The following RYR3 variants were observed in gnomAD, a reference collection of about 807,000 sequenced individuals.
RYR3 encodes brain ryanodine receptor-calcium release channel.
Under a neutral mutation model 584.3 loss-of-function variants are expected in RYR3, and 207 were observed. That is an observed-to-expected ratio of 0.35 (90% CI 0.32 to 0.40). RYR3 has a LOEUF of 0.40. RYR3 is among the 10% of genes least tolerant of loss of function. The pLI is 1.00. For synonymous variants in RYR3, 2,416 were observed against 2,248.5 expected, an observed-to-expected ratio of 1.07 and a Z score of -2.11; for missense variants, 5,616 against 6,089.2, an observed-to-expected ratio of 0.92 and a Z score of 2.59.
In RYR3 at chr15:33,544,685, C is replaced by T. The variant is rs74446130; in HGVS notation, c.740+970C>T. The stretch of plus-strand genomic sequence containing the variant: ...GTATTATTATGCACCTTAGAAAGCA[C>T]CCATTGGCAATGTGTATCCCTTATA... On this transcript the variant is annotated intron_variant, in intron 8 of 103. Transcript: ENST00000634891. Among the ~76,000 whole-genome samples the T allele has an allele frequency of 1.3e-3, 197 of 152,180 alleles. 2 individuals carry two copies. In the East Asian group the frequency reaches 0.031, roughly 24 times the overall value.
chr15:33,639,155 C>T (rs2061661153), intron 27 of RYR3, among the ~76,000 whole-genome samples: 2 of 152,090 alleles, frequency 1.3e-5, no homozygotes, highest in South Asian at 4.1e-4. Context: ...TTTGAGAGAG[C>T]CTCTGTATTT....
At chr15:33,861,699 G>A (rs1248305361) in intron 102 of RYR3, among the ~76,000 whole-genome samples, 1 of 152,110 alleles carries the variant, frequency 6.6e-6, no homozygotes, top group African/African-American at 2.4e-5. Context: ...CCTGTAACCT[G>A]CATGTTGCTA....
At chr15:33,317,516 C>T (rs1196362679) in intron 1 of RYR3, among the ~76,000 whole-genome samples, 4 of 152,198 alleles carry the variant, frequency 2.6e-5, no homozygotes, top group African/African-American at 9.7e-5. Context: ...TTTCCAGTCA[C>T]TGCAGTTTCC....
At chr15:33,531,051 C>A (rs2054823912) in intron 4 of RYR3, among the ~76,000 whole-genome samples, 1 of 151,972 alleles carries the variant, frequency 6.6e-6, no homozygotes, top group Admixed American at 6.6e-5. Context: ...CAAGGATAAC[C>A]AGCATAGAAG....
intron 93 of RYR3, 121 bp from the exon 94 acceptor site, chr15:33,848,170 G>A (rs2078845410): frequency 4.7e-6 from 6 of 1,264,500 alleles, no homozygotes; most frequent in Non-Finnish European, 6.7e-6. Flanking sequence ...GGCACTCTAA[G>A]AATTCCACTA....
chr15:33,663,443 T>C, intron 35 of RYR3, 94 bp from the exon 36 acceptor site: 1 of 1,057,746 alleles, frequency 9.5e-7, no homozygotes, highest in Non-Finnish European at 1.4e-6. Context: ...CAATTTACTT[T>C]GTCTAAGTCT....
At chr15:33,550,697 T>C (rs552788364) in intron 10 of RYR3, among the ~76,000 whole-genome samples, 1 of 151,746 alleles carries the variant, frequency 6.6e-6, no homozygotes, top group African/African-American at 2.4e-5. Context: ...GGCATGAGTT[T>C]CAGAGCTACA....
At position 33,823,080 on chromosome 15, in the gene RYR3, C is replaced by T. The variant is rs12914825; in HGVS notation, c.11072+8C>T. The T allele has an allele frequency of 0.084, 135,177 of 1,608,056 alleles. 6,531 individuals carry two copies. The highest frequency in any genetic ancestry group is 0.094 in the Non-Finnish European group (110,437 of 1,176,176). The stretch of plus-strand genomic sequence containing the variant: ...TCTTATGCAGTCTTGCAGGTAAATG[C>T]GGGAAAACTACCATAGCATTTAAAA... On this transcript the variant is annotated splice_region_variant and intron_variant, in intron 81 of 103. Transcript: ENST00000634891.
Position 33,826,772 on chromosome 15 carries a change from C to G in RYR3, c.11245+20C>G. The G allele has an allele frequency of 6.5e-7, 1 of 1,539,138 alleles. No individual in the cohort carries two copies. The highest frequency in any genetic ancestry group is 8.8e-7 in the Non-Finnish European group (1 of 1,142,744). ...ACAGTGGTGAGTGGAACAGATTGAT[C>G]TGCCAAGGAAACACAGCACTCGGGC... On this transcript the variant is annotated intron_variant, in intron 84 of 103. Coordinates refer to ENST00000634891, the MANE Select transcript of RYR3 (RefSeq NM_001036.6).
At chr15:33,641,582 G>C (rs901453390) in intron 27 of RYR3, among the ~76,000 whole-genome samples, 1 of 152,146 alleles carries the variant, frequency 6.6e-6, no homozygotes, top group Non-Finnish European at 1.5e-5. Context: ...TTATCGAATC[G>C]TTTTCTCCAA....
intron 1 of RYR3, among the ~76,000 whole-genome samples, chr15:33,399,623 G>A (rs1246667045): frequency 6.6e-6 from 1 of 152,130 alleles, no homozygotes; most frequent in East Asian, 1.9e-4. Flanking sequence ...GGGCGACAGA[G>A]TAAGACTCCG....
In RYR3 at chr15:33,788,337, A is replaced by C; in HGVS notation, c.9709A>C (p.Lys3237Gln). Residue 3237 changes from lysine to glutamine, a missense_variant, in exon 67 of 104, where the codon AAA (lysine) becomes CAA (glutamine). Lys to Gln is a moderately conservative substitution (Grantham distance 53). Transcript: ENST00000634891. ...VKTVQEEEQL[K>Q]ADGKGDTQEA... ...GACGGTGCAGGAGGAGGAGCAGTTGAAAGCCGATGGCAAAGGGGACACCCA... is the reference window on the plus strand; with the variant it reads ...GACGGTGCAGGAGGAGGAGCAGTTGCAAGCCGATGGCAAAGGGGACACCCA... 6.2e-7 allele frequency: 1 copy of C among 1,613,994 alleles called. No individual in the cohort carries two copies. Among genetic ancestry groups the C allele is most frequent in the African/African-American group, 1.3e-5 (1 of 75,036 alleles).
chr15:33,654,222 C>T (rs537964089), intron 32 of RYR3, among the ~76,000 whole-genome samples: 5 of 152,094 alleles, frequency 3.3e-5, no homozygotes, highest in South Asian at 2.1e-4. Context: ...AAGGAAAAAG[C>T]GTTTTTACGG....
intron 1 of RYR3, among the ~76,000 whole-genome samples, chr15:33,365,017 G>T (rs972654121): frequency 1.3e-5 from 2 of 152,184 alleles, no homozygotes; most frequent in Non-Finnish European, 2.9e-5. Context: ...ACTGAAGATG[G>T]ACAGAGGGAC....
At chr15:33,830,628 A>G (rs559367959) in intron 85 of RYR3, among the ~76,000 whole-genome samples, 1 of 152,348 alleles carries the variant, frequency 6.6e-6, no homozygotes, top group African/African-American at 2.4e-5. Context: ...GGCACTTACA[A>G]TATTAGCTAT....
rs187608290 is a variant in RYR3 at position 33,788,440 on chromosome 15, G to C, written c.9812G>C (p.Arg3271Pro). The C allele has an allele frequency of 6.2e-7, 1 of 1,613,656 alleles. No individual in the cohort carries two copies. Among genetic ancestry groups the C allele is most frequent in the East Asian group, 2.2e-5 (1 of 44,888 alleles). ...DLYAFYPMLI[R>P]YVDNNRSNWL... ...TATGCCTTCTACCCCATGCTGATCC[G>C]CTACGTGGACAACAACAGGTACGGA... Residue 3271 changes from arginine (R) to proline (P), a missense_variant, in exon 67 of 104, where the codon CGC (arginine) becomes CCC (proline). By Grantham distance (103) the Arg-to-Pro change is moderately radical. This residue lies in a region of RYR3 where 954 missense variants were observed against 1,132.2 expected (regional missense o/e 0.84). Transcript: ENST00000634891.
At chr15:33,781,379 G>A (rs1470860490) in intron 65 of RYR3, among the ~76,000 whole-genome samples, 2 of 152,142 alleles carry the variant, frequency 1.3e-5, no homozygotes, top group African/African-American at 4.8e-5. Context: ...TTTCTATTCA[G>A]AACCAATGTT....
intron 32 of RYR3, among the ~76,000 whole-genome samples, chr15:33,653,128 G>A (rs1351120346): frequency 1.3e-5 from 2 of 152,188 alleles, no homozygotes; most frequent in Non-Finnish European, 2.9e-5. Flanking sequence ...TCTAGAGGAC[G>A]AAAAGTCCTT....
At chr15:33,384,300 G>A (rs919358638) in intron 1 of RYR3, among the ~76,000 whole-genome samples, 1 of 151,978 alleles carries the variant, frequency 6.6e-6, no homozygotes, top group African/African-American at 2.4e-5. Flanking sequence ...AGTGGATGAA[G>A]AGTCTACTAA....
Sources: allele counts gnomAD v4.1 joint callset (sites outside exome capture counted in the v4.1 genomes callset), GRCh38; gene constraint gnomAD v4.1.1; regional missense constraint gnomAD v4.1.1; transcripts MANE v1.5; gene names NCBI Gene and HGNC (gene_info 2026-07-23, HGNC 2026-07-21).